The following CIP2A variants were observed in gnomAD, a reference collection of about 807,000 sequenced individuals.
The protein encoded by CIP2A is cellular inhibitor of PP2A.
Under a neutral mutation model 110.9 loss-of-function variants are expected in CIP2A, and 103 were observed. The observed-to-expected ratio is 0.93, with a 90% CI of 0.79 to 1.09. CIP2A has a LOEUF of 1.09. CIP2A is among the 50% of genes least tolerant of loss of function. The pLI, the probability that CIP2A is intolerant of heterozygous loss-of-function variation, is 0.00. For missense variants in CIP2A, 1,088 were observed against 1,038.4 expected, an observed-to-expected ratio of 1.05 and a Z score of -0.66; for synonymous variants, 381 against 361.6, an observed-to-expected ratio of 1.05 and a Z score of -0.61.
intron 8 of CIP2A, among the ~76,000 whole-genome samples, chr3:108,575,371 C>CAT (rs1219386770): frequency 6.7e-6 from 1 of 149,698 alleles, no homozygotes; most frequent in Non-Finnish European, 1.5e-5. Context: ...TATACATACA[C>CAT]ATATACATGT....
chr3:108,585,741 A>G (rs1939021912), intron 1 of CIP2A: 6 of 456,482 alleles, frequency 1.3e-5, no homozygotes, highest in Non-Finnish European at 2.6e-5. Context: ...CCCAAAGACA[A>G]TAGGTGAGCT....
In CIP2A at chr3:108,569,485, T is replaced by A. The variant is rs1390834965; in HGVS notation, c.1017A>T (p.Glu339Asp). 6.2e-7 allele frequency: 1 copy of A among 1,612,798 alleles called. No homozygotes were observed. Among genetic ancestry groups the A allele is most frequent in the East Asian group, 2.2e-5 (1 of 44,802 alleles). Residue 339 changes from glutamate to aspartate, a missense_variant, in exon 9 of 21, where the codon GAA becomes GAT. By Grantham distance (45) the Glu-to-Asp change is conservative. Transcript: ENST00000295746. ...ACCAGCGCAGTAGAGCCACAGTAGG[T>A]TCTAAACATTTAGTATGGCTTCCCA... Reference protein sequence around the residue: ...ATLGSHTKCLEPTVALLRWLS... With the variant: ...ATLGSHTKCLDPTVALLRWLS...
At chr3:108,572,018 G>T (rs1156729033) in intron 8 of CIP2A, among the ~76,000 whole-genome samples, 2 of 151,984 alleles carry the variant, frequency 1.3e-5, no homozygotes, top group East Asian at 3.9e-4. Context: ...CAACTTTTTT[G>T]CTCAAGTATC....
intron 10 of CIP2A, 132 bp from the exon 11 acceptor site, chr3:108,566,770 A>G (rs759399771): frequency 2.8e-5 from 15 of 540,652 alleles, no homozygotes; most frequent in Non-Finnish European, 4.6e-5. Flanking sequence ...GCTCAATGAC[A>G]AACAAGGAAA....
chr3:108,576,450 CATCT>C, intron 7 of CIP2A, 104 bp from the exon 8 acceptor site: 3 of 598,198 alleles, frequency 5.0e-6, no homozygotes, highest in Non-Finnish European at 8.3e-6. Flanking sequence ...TATTTTCTTT[CATCT>C]ATTTATTTGG....
chr3:108,589,356 A>G lies in CIP2A; in HGVS notation c.20T>C (p.Leu7Ser). ...ACTGACAGTCAGGAGCAAGGACTTCAAGCAGGCAGTGGAGTCCATTGCACC... is the reference window on the plus strand; with the variant it reads ...ACTGACAGTCAGGAGCAAGGACTTCGAGCAGGCAGTGGAGTCCATTGCACC... MDSTAC[L>S]KSLLLTVSQY... Residue 7 changes from leucine to serine, a missense_variant, in exon 1 of 21, where the codon TTG becomes TCG. Coordinates refer to ENST00000295746, the MANE Select transcript of CIP2A (RefSeq NM_020890.3). 1 of 1,613,644 alleles carries G rather than the reference A, an allele frequency of 6.2e-7. No individual in the cohort carries two copies. The highest frequency in any genetic ancestry group is 8.5e-7 in the Non-Finnish European group (1 of 1,179,762).
chr3:108,574,916 C>A (rs1938517108), intron 8 of CIP2A: 1 of 152,394 alleles, frequency 6.6e-6, no homozygotes, highest in Non-Finnish European at 1.5e-5. Flanking sequence ...TGCCCAAAGA[C>A]CCACATCTCA....
At position 108,569,465 on chromosome 3, in the gene CIP2A, C is replaced by A. The variant is rs151174833; in HGVS notation, c.1037G>T (p.Arg346Leu). Reference sequence around the variant, plus strand: ...TCCGTCCAAAGGTTGGCTTAACCAGCGCAGTAGAGCCACAGTAGGTTCTAA... The same window carrying A: ...TCCGTCCAAAGGTTGGCTTAACCAGAGCAGTAGAGCCACAGTAGGTTCTAA... ...KCLEPTVALL[R>L]WLSQPLDGSE... is the part of the protein sequence containing the mutation. Residue 346 changes from arginine to leucine, a missense_variant, in exon 9 of 21, where the codon CGC (arginine) becomes CTC (leucine). By Grantham distance (102) the Arg-to-Leu change is moderately radical. Coordinates refer to ENST00000295746, the MANE Select transcript of CIP2A (RefSeq NM_020890.3). 3.7e-6 allele frequency: 6 copies of A among 1,612,594 alleles called. No homozygotes were observed. The Admixed American group carries it at 1.0e-4, about 27-fold the overall frequency.
chr3:108,560,525 GTTAT>G, intron 14 of CIP2A, 120 bp downstream of exon 14: 1 of 635,756 alleles, frequency 1.6e-6, no homozygotes, highest in Non-Finnish European at 2.6e-6. Flanking sequence ...CCAGAATATT[GTTAT>G]TTCTTATATT....
chr3:108,585,313 C>A (rs1018180273), intron 1 of CIP2A, 101 bp from the exon 2 acceptor site: 7 of 1,073,854 alleles, frequency 6.5e-6, no homozygotes, highest in African/African-American at 1.6e-5. Flanking sequence ...GCCACTGCTA[C>A]CTTCCCAATT....
chr3:108,583,273 A>C (rs1441944677), intron 2 of CIP2A, among the ~76,000 whole-genome samples, 190 bp from the exon 3 acceptor site: 1 of 152,224 alleles, frequency 6.6e-6, no homozygotes, highest in African/African-American at 2.4e-5. Context: ...AACTAGTATC[A>C]AAGAAAAAAC....
chr3:108,570,688 T>A (rs530935673), intron 8 of CIP2A, among the ~76,000 whole-genome samples: 5 of 152,244 alleles, frequency 3.3e-5, no homozygotes, highest in Non-Finnish European at 7.4e-5. Flanking sequence ...CATGCAGGAC[T>A]GGAAGTTGCT....
chr3:108,573,210 T>C (rs1199925694), intron 8 of CIP2A, among the ~76,000 whole-genome samples: 1 of 152,054 alleles, frequency 6.6e-6, no homozygotes, highest in African/African-American at 2.4e-5. Context: ...TTTAGAATTT[T>C]TGCAGTATGT....
chr3:108,551,740 C>T (rs1027333834), intron 20 of CIP2A, among the ~76,000 whole-genome samples: 3 of 151,930 alleles, frequency 2.0e-5, no homozygotes, highest in Non-Finnish European at 4.4e-5. Flanking sequence ...TGGTAGTAAA[C>T]GGGCCAGAAA....
At position 108,568,170 on chromosome 3, in the gene CIP2A, T is replaced by C. The variant is rs1341062906; in HGVS notation, c.1258A>G (p.Ile420Val). 3 of 1,611,772 alleles carry C rather than the reference T, an allele frequency of 1.9e-6. No homozygotes were observed. Among genetic ancestry groups the C allele is most frequent in the African/African-American group, 1.3e-5 (1 of 74,928 alleles). ...RKKCERIAKA[I>V]EVLLTLCGDD... ...TAAAGGATATTTAACAAAACTTCAA[T>C]GGCCTTGGCAATCCTTTCACATTTT... The change falls in exon 10 of 21, where the codon ATT becomes GTT. Residue 420 changes from isoleucine to valine, a missense_variant. Physicochemically the swap from Ile to Val is conservative, Grantham distance 29 (BLOSUM62 3). Transcript: ENST00000295746.
rs541426047 is a variant in CIP2A at position 108,557,764 on chromosome 3, G to T, written c.2014-350C>A. Among the ~76,000 whole-genome samples the T allele has an allele frequency of 6.8e-4, 103 of 152,226 alleles. 1 individual carries two copies. The highest frequency in any genetic ancestry group is 1.2e-3 in the Non-Finnish European group (79 of 67,998). On this transcript the variant is annotated intron_variant, in intron 16 of 20. Transcript: ENST00000295746. ...AAACTGCTAAGTGTGCACACCATCA[G>T]CATTCTCATTTCAGGTGAGAATTAA...
At position 108,582,120 on chromosome 3, in the gene CIP2A, A is replaced by T; in HGVS notation, c.440T>A (p.Leu147Gln). The change falls in exon 4 of 21, where the codon CTG becomes CAG. Residue 147 changes from leucine (L) to glutamine (Q), a missense_variant. By Grantham distance (113) the Leu-to-Gln change is moderately radical. Transcript: ENST00000295746. The stretch of plus-strand genomic sequence containing the variant: ...ATTGCATACTCACATGTGATCTATC[A>T]GGAACGTAATTAATTCATCTATATT... ...GANIDELITF[L>Q]IDHIQSSEDE... 6.9e-7 allele frequency: 1 copy of T among 1,443,272 alleles called. No homozygotes were observed. Among genetic ancestry groups the T allele is most frequent in the African/African-American group, 1.4e-5 (1 of 70,764 alleles). The allele number at this position is 1,443,272 out of a possible 1,614,324, so 89.4% of individuals were successfully genotyped here. A position where few individuals can be genotyped will look rare whatever the true frequency, so the allele number is the denominator to read the frequency against.
chr3:108,553,896 T>TAC (rs1937688635), intron 18 of CIP2A, among the ~76,000 whole-genome samples, 166 bp from the exon 19 acceptor site: 1 of 84,178 alleles, frequency 1.2e-5, no homozygotes, highest in African/African-American at 4.4e-5. Context: ...ACTAAAAATA[T>TAC]AAAAAAAAAA....
intron 12 of CIP2A, among the ~76,000 whole-genome samples, chr3:108,564,598 CAGG>C (rs144491206): frequency 0.012 from 1,889 of 151,890 alleles, 17 homozygotes; most frequent in Non-Finnish European, 0.021. Context: ...TCCAAAAAAC[CAGG>C]AGATTTCAGT....
Sources: allele counts gnomAD v4.1 joint callset (sites outside exome capture counted in the v4.1 genomes callset), GRCh38; gene constraint gnomAD v4.1.1; transcripts MANE v1.5; gene names NCBI Gene and HGNC (gene_info 2026-07-23, HGNC 2026-07-21).